FHIP1A: variants seen among roughly 807,000 people sequenced by gnomAD.
FHIP1A encodes FHF complex subunit HOOK interacting protein 1A.
FHIP1A carries 61 observed loss-of-function variants against 88.6 expected under a neutral mutation model. The ratio of observed to expected loss-of-function variants is 0.69; its 90% confidence interval spans 0.56 to 0.85. The LOEUF (loss-of-function observed/expected upper bound fraction) is 0.85, where lower values mean the gene tolerates loss of function less well. Ranked by LOEUF, FHIP1A falls within the 40% of genes least tolerant of loss-of-function variation. The pLI is 0.00. For missense variants in FHIP1A, 1,154 were observed against 1,273.5 expected, an observed-to-expected ratio of 0.91 and a Z score of 1.43; for synonymous variants, 478 against 496.0, an observed-to-expected ratio of 0.96 and a Z score of 0.48.
chr4:151,412,577 TC>T (rs11344743), intron 1 of FHIP1A, among the ~76,000 whole-genome samples: 1,601 of 128,168 alleles, frequency 0.012, 15 homozygotes, highest in African/African-American at 0.026. Context: ...TTTCTTTCTT[TC>T]CTTTCTTTCC....
At position 151,622,479 on chromosome 4, in the gene FHIP1A, T is replaced by C. The variant is rs560064887; in HGVS notation, c.979-7223T>C. ...CCAGCACCAGACCTCTTTTTCTTTC[T>C]AAGCCTGTCTCTCCAGCCTTCTGGT... On this transcript the variant is annotated intron_variant, in intron 7 of 13. Coordinates refer to ENST00000435205, the MANE Select transcript of FHIP1A (RefSeq NM_001109977.3). Among the ~76,000 whole-genome samples the C allele has an allele frequency of 9.8e-5, 15 of 152,320 alleles. No homozygotes were observed. The East Asian group carries it at 2.9e-3, about 29-fold the overall frequency.
chr4:151,563,616 C>G (rs1050059766), intron 3 of FHIP1A, among the ~76,000 whole-genome samples: 3 of 152,148 alleles, frequency 2.0e-5, no homozygotes, highest in African/African-American at 7.2e-5. Context: ...ACAGCTTTTG[C>G]CTCCATTCTG....
At chr4:151,592,718 T>C (rs1440094694) in intron 7 of FHIP1A, among the ~76,000 whole-genome samples, 1 of 152,230 alleles carries the variant, frequency 6.6e-6, no homozygotes, top group Non-Finnish European at 1.5e-5. Flanking sequence ...AGGTTGCGTG[T>C]TCACTCTGAT....
At chr4:151,503,473 G>A (rs1730720076) in intron 3 of FHIP1A, among the ~76,000 whole-genome samples, 1 of 152,090 alleles carries the variant, frequency 6.6e-6, no homozygotes, top group Admixed American at 6.5e-5. Context: ...TTTTGGCTCT[G>A]GAGCTTCCAA....
In FHIP1A at chr4:151,650,145, T is replaced by A. The variant is rs1197339409; in HGVS notation, c.2104T>A (p.Ser702Thr). The A allele has an allele frequency of 6.4e-7, 1 of 1,551,450 alleles. No homozygotes were observed. Among genetic ancestry groups the A allele is most frequent in the Non-Finnish European group, 8.7e-7 (1 of 1,146,968 alleles). ...AGAGGAGGAGTGGAATAGGGACAAT[T>A]CAGACCCGTTTCACAGTGAGCCCAA... ...DSEEEWNRDN[S>T]DPFHSEPKEP... Residue 702 changes from serine to threonine, a missense_variant, in exon 11 of 14, where the codon TCA becomes ACA. Physicochemically the swap from Ser to Thr is moderately conservative, Grantham distance 58. Coordinates refer to ENST00000435205, the MANE Select transcript of FHIP1A (RefSeq NM_001109977.3).
chr4:151,549,176 C>G (rs1732625137), intron 3 of FHIP1A, among the ~76,000 whole-genome samples: 1 of 151,884 alleles, frequency 6.6e-6, no homozygotes, highest in Non-Finnish European at 1.5e-5. Context: ...CAGCAGGTGA[C>G]TGGGATGAGT....
chr4:151,544,744 C>T (rs770749284), intron 3 of FHIP1A, among the ~76,000 whole-genome samples: 2 of 152,160 alleles, frequency 1.3e-5, no homozygotes, highest in Non-Finnish European at 2.9e-5. Flanking sequence ...TGGAAGCTGG[C>T]TCAGCTTGAC....
Position 151,656,924 on chromosome 4 carries a change from C to T in FHIP1A, c.2869+26C>T. 2.0e-6 allele frequency: 3 copies of T among 1,537,316 alleles called. No individual in the cohort carries two copies. Among genetic ancestry groups the T allele is most frequent in the South Asian group, 1.2e-5 (1 of 82,480 alleles). On this transcript the variant is annotated intron_variant, in intron 13 of 13. Coordinates refer to ENST00000435205, the MANE Select transcript of FHIP1A (RefSeq NM_001109977.3). The surrounding 1 kb of genome is among the most constrained non-coding windows in gnomAD (Gnocchi z 4.2). The stretch of plus-strand genomic sequence containing the variant: ...GTAAGCCAGGTTTCTCCACAGCGCC[C>T]CTCCTTAAATTCCTCCTCCACGTCC...
intron 13 of FHIP1A, among the ~76,000 whole-genome samples, chr4:151,657,207 C>T (rs1737277574): frequency 6.6e-6 from 1 of 152,048 alleles, no homozygotes; most frequent in East Asian, 1.9e-4. Context: ...TCACACGGCA[C>T]ACATGGGCCA....
In FHIP1A at chr4:151,577,434, C is replaced by A; in HGVS notation, c.106-16C>A. The stretch of plus-strand genomic sequence containing the variant: ...ATAAACATCAGATGGATGACAAATG[C>A]TTGACTTGGTTACAGGTTGTGAAAA... On this transcript the variant is annotated splice_polypyrimidine_tract_variant and intron_variant, in intron 4 of 13. Transcript: ENST00000435205. The A allele has an allele frequency of 6.6e-7, 1 of 1,506,524 alleles. No individual in the cohort carries two copies. The highest frequency in any genetic ancestry group is 8.9e-7 in the Non-Finnish European group (1 of 1,123,392). The allele number at this position is 1,506,524 out of a possible 1,614,324, so 93.3% of individuals were successfully genotyped here. A position where few individuals can be genotyped will look rare whatever the true frequency, so the allele number is the denominator to read the frequency against.
intron 1 of FHIP1A, among the ~76,000 whole-genome samples, chr4:151,444,434 C>A (rs1256961683): frequency 6.6e-6 from 1 of 151,900 alleles, no homozygotes; most frequent in African/African-American, 2.4e-5. Context: ...GCATTGATAC[C>A]TACTATATAG....
At chr4:151,626,687 A>G (rs1273297260) in intron 7 of FHIP1A, among the ~76,000 whole-genome samples, 1 of 152,228 alleles carries the variant, frequency 6.6e-6, no homozygotes, top group Non-Finnish European at 1.5e-5. Context: ...TTCTATGTAA[A>G]TTCGTAGCTA....
At chr4:151,507,934 T>G (rs1730892382) in intron 3 of FHIP1A, among the ~76,000 whole-genome samples, 1 of 152,240 alleles carries the variant, frequency 6.6e-6, no homozygotes, top group African/African-American at 2.4e-5. Context: ...TGAGTAGTAC[T>G]GAACTTAGAG....
At chr4:151,459,987 G>C (rs1729092629) in intron 2 of FHIP1A, among the ~76,000 whole-genome samples, 1 of 152,116 alleles carries the variant, frequency 6.6e-6, no homozygotes, top group Admixed American at 6.6e-5. Context: ...GGAATCTTTA[G>C]ATTGCTATTT....
chr4:151,437,149 A>G (rs1355643498), intron 1 of FHIP1A, among the ~76,000 whole-genome samples: 3 of 152,164 alleles, frequency 2.0e-5, no homozygotes, highest in African/African-American at 7.2e-5. Flanking sequence ...TTACAGTGCT[A>G]TAATATTGGC....
intron 3 of FHIP1A, among the ~76,000 whole-genome samples, chr4:151,511,638 G>A (rs1473074206): frequency 6.6e-6 from 1 of 152,196 alleles, no homozygotes. Context: ...ATTATATCCC[G>A]CACATGGCTC....
intron 1 of FHIP1A, among the ~76,000 whole-genome samples, chr4:151,442,387 C>G (rs772538796): frequency 1.3e-5 from 2 of 152,086 alleles, no homozygotes; most frequent in Non-Finnish European, 2.9e-5. Context: ...TAGAATCTCT[C>G]AGCTAATCTA....
At chr4:151,600,219 A>C (rs762207829) in intron 7 of FHIP1A, among the ~76,000 whole-genome samples, 2 of 152,226 alleles carry the variant, frequency 1.3e-5, no homozygotes, top group Non-Finnish European at 1.5e-5. Flanking sequence ...GATGTCAGGG[A>C]GAAGAGAACC....
At chr4:151,488,035 T>C (rs1215179690) in intron 3 of FHIP1A, among the ~76,000 whole-genome samples, 3 of 152,212 alleles carry the variant, frequency 2.0e-5, no homozygotes, top group Admixed American at 6.5e-5. Flanking sequence ...TTGTAAGGGT[T>C]CTGGTCCAGA....
Sources: allele counts gnomAD v4.1 joint callset (sites outside exome capture counted in the v4.1 genomes callset), GRCh38; gene constraint gnomAD v4.1.1; non-coding constraint Gnocchi (gnomAD v3.1); transcripts MANE v1.5; gene names NCBI Gene and HGNC (gene_info 2026-07-23, HGNC 2026-07-21).